The following PDE7B variants were observed in gnomAD, a reference collection of about 807,000 sequenced individuals.
PDE7B encodes the protein 3',5'-cyclic-AMP phosphodiesterase 7B.
PDE7B carries 29 observed loss-of-function variants against 56.2 expected under a neutral mutation model. The observed-to-expected ratio is 0.52, with a 90% CI of 0.38 to 0.70. The LOEUF is 0.70. PDE7B is among the 30% of genes least tolerant of loss of function. PDE7B has a pLI of 0.00. For missense variants in PDE7B, 490 were observed against 565.0 expected (o/e 0.87, Z 1.35); for synonymous variants, 197 against 196.9 (o/e 1.00, Z 0.00).
chr6:135,920,547 A>G (rs1415451048), intron 1 of PDE7B, among the ~76,000 whole-genome samples: 1 of 152,158 alleles, frequency 6.6e-6, no homozygotes, highest in African/African-American at 2.4e-5. Flanking sequence ...TGTGTCACCC[A>G]TATGATAGTG....
chr6:135,863,414 G>T (rs1198150803), intron 1 of PDE7B, among the ~76,000 whole-genome samples: 2 of 151,978 alleles, frequency 1.3e-5, no homozygotes, highest in African/African-American at 4.8e-5. Flanking sequence ...TGCCTTCACA[G>T]TAGGGGCAAT....
At chr6:135,888,192 A>C (rs1344974363) in intron 1 of PDE7B, among the ~76,000 whole-genome samples, 4 of 152,184 alleles carry the variant, frequency 2.6e-5, no homozygotes, top group African/African-American at 9.6e-5. Flanking sequence ...TTATAAACTG[A>C]GGCTTACAGA....
intron 1 of PDE7B, among the ~76,000 whole-genome samples, chr6:135,855,434 A>G (rs1472343098): frequency 6.6e-6 from 1 of 152,198 alleles, no homozygotes; most frequent in Non-Finnish European, 1.5e-5. Context: ...GCAGTGATGG[A>G]AAACTGCAGA....
intron 8 of PDE7B, 118 bp downstream of exon 8, chr6:136,155,876 C>G: frequency 9.3e-7 from 1 of 1,075,850 alleles, no homozygotes; most frequent in Non-Finnish European, 1.4e-6. Flanking sequence ...AGTTCAAAGA[C>G]GAATGAAACA....
intron 1 of PDE7B, among the ~76,000 whole-genome samples, chr6:135,870,591 G>A (rs771289571): frequency 6.6e-6 from 1 of 151,502 alleles, no homozygotes; most frequent in Non-Finnish European, 1.5e-5. Context: ...TAGATTTTTG[G>A]CCTACATCAC....
chr6:135,860,892 T>A (rs1021390080), intron 1 of PDE7B, among the ~76,000 whole-genome samples: 1 of 151,812 alleles, frequency 6.6e-6, no homozygotes, highest in African/African-American at 2.4e-5. Context: ...TAACAGAAAA[T>A]TATCTAACAT....
At chr6:136,057,255 A>C (rs1344865904) in intron 2 of PDE7B, among the ~76,000 whole-genome samples, 1 of 152,242 alleles carries the variant, frequency 6.6e-6, no homozygotes, top group Non-Finnish European at 1.5e-5. Flanking sequence ...ATCAGGAAGC[A>C]CTAACTCAAT....
rs118142857 is a variant in PDE7B at position 135,959,580 on chromosome 6, C to T, written c.82+12056C>T. Among the ~76,000 whole-genome samples the T allele has an allele frequency of 3.0e-4, 46 of 152,092 alleles. No individual in the cohort carries two copies. In the East Asian group the frequency reaches 4.3e-3, roughly 14 times the overall value. On this transcript the variant is annotated intron_variant, in intron 2 of 12. Coordinates refer to ENST00000308191, the MANE Select transcript of PDE7B (RefSeq NM_018945.4). Reference sequence around the variant, plus strand: ...ATAATTAATTACACCAGGCAGTCTACGGAAAGGTACCTTATTTTGTCTGCT... The same window carrying T: ...ATAATTAATTACACCAGGCAGTCTATGGAAAGGTACCTTATTTTGTCTGCT...
intron 3 of PDE7B, among the ~76,000 whole-genome samples, chr6:136,114,437 G>A (rs1459069122): frequency 5.9e-5 from 9 of 152,026 alleles, no homozygotes; most frequent in Non-Finnish European, 1.5e-5. Flanking sequence ...ACACACTCTC[G>A]ATGAAGGACT....
chr6:136,011,418 A>G (rs1334383402), intron 2 of PDE7B, among the ~76,000 whole-genome samples: 1 of 152,238 alleles, frequency 6.6e-6, no homozygotes, highest in Non-Finnish European at 1.5e-5. Flanking sequence ...GAAACATTAT[A>G]GAATCTATTG....
chr6:135,974,847 T>C (rs1395757617), intron 2 of PDE7B, among the ~76,000 whole-genome samples: 2 of 152,206 alleles, frequency 1.3e-5, no homozygotes, highest in African/African-American at 4.8e-5. Flanking sequence ...TGTCAGCATG[T>C]CAAGTGCTTA....
chr6:135,910,232 C>T (rs1266751773), intron 1 of PDE7B, among the ~76,000 whole-genome samples: 1 of 152,108 alleles, frequency 6.6e-6, no homozygotes, highest in Non-Finnish European at 1.5e-5. Flanking sequence ...ACTACAACAT[C>T]CAAGGGGGAT....
intron 2 of PDE7B, among the ~76,000 whole-genome samples, chr6:136,088,061 T>C (rs1017454599): frequency 1.3e-5 from 2 of 152,180 alleles, no homozygotes; most frequent in African/African-American, 2.4e-5. Context: ...ATCGGCAGTA[T>C]ACCAGTGCTA....
chr6:136,057,312 G>A (rs1776753281), intron 2 of PDE7B, among the ~76,000 whole-genome samples: 1 of 152,146 alleles, frequency 6.6e-6, no homozygotes, highest in Non-Finnish European at 1.5e-5. Context: ...ATAAATAGTG[G>A]AAAGAAAAGT....
chr6:136,134,109 G>A (rs907572003), intron 3 of PDE7B, among the ~76,000 whole-genome samples: 8 of 152,108 alleles, frequency 5.3e-5, no homozygotes, highest in African/African-American at 1.4e-4. Flanking sequence ...CCTGAGGAAC[G>A]AATCCGTTGG....
chr6:135,978,583 A>C (rs530232041), intron 2 of PDE7B, among the ~76,000 whole-genome samples: 5 of 152,042 alleles, frequency 3.3e-5, no homozygotes, highest in African/African-American at 1.2e-4. Context: ...ATACTTTTTT[A>C]CTCCTTTATA....
intron 1 of PDE7B, among the ~76,000 whole-genome samples, chr6:135,914,780 C>T (rs1450191628): frequency 7.4e-5 from 4 of 54,096 alleles, no homozygotes; most frequent in South Asian, 2.0e-3. Flanking sequence ...TGAGCCACCG[C>T]GCCCGGCTAT....
intron 1 of PDE7B, among the ~76,000 whole-genome samples, chr6:135,907,676 T>G (rs981022143): frequency 6.6e-6 from 1 of 152,152 alleles, no homozygotes; most frequent in African/African-American, 2.4e-5. Flanking sequence ...TAATTTTAAT[T>G]TACATTTACA....
chr6:135,961,759 C>T (rs568646573), intron 2 of PDE7B, among the ~76,000 whole-genome samples: 1 of 152,098 alleles, frequency 6.6e-6, no homozygotes, highest in Non-Finnish European at 1.5e-5. Context: ...TGTTTTCTGT[C>T]GACCTAATTA....
Sources: gnomAD v4.1 joint callset for allele counts (sites outside exome capture counted in the v4.1 genomes callset) on GRCh38, gnomAD v4.1.1 for gene constraint, MANE v1.5 for transcripts, NCBI Gene and HGNC (gene_info 2026-07-23, HGNC 2026-07-21) for gene names.